Variants in RAB31 observed in about 807,000 individuals in gnomAD.
The protein encoded by RAB31 is RAB31, member RAS oncogene family.
In RAB31, 21 loss-of-function variants were observed where a neutral mutation model predicts 25.6. That is an observed-to-expected ratio of 0.82 (90% confidence interval 0.58 to 1.18). RAB31 has a LOEUF of 1.18. Ranked by LOEUF, RAB31 falls within the 50% of genes most tolerant of loss-of-function variation. The pLI is 0.00. For missense variants in RAB31, 196 were observed against 250.1 expected, an observed-to-expected ratio of 0.78 and a Z score of 1.46; for synonymous variants, 87 against 84.0, an observed-to-expected ratio of 1.04 and a Z score of -0.20.
chr18:9,711,159 G>C (rs1398964681), intron 1 of RAB31, among the ~76,000 whole-genome samples: 1 of 150,028 alleles, frequency 6.7e-6, no homozygotes, highest in Non-Finnish European at 1.5e-5. Flanking sequence ...GACTGTCTTC[G>C]GTTTACTCTC....
intron 5 of RAB31, among the ~76,000 whole-genome samples, chr18:9,827,617 G>A (rs2068656401): frequency 6.6e-6 from 1 of 151,046 alleles, no homozygotes; most frequent in Admixed American, 6.6e-5. Context: ...GAAACATTGG[G>A]AGGGATGGGT....
rs147822919 is a variant in RAB31, at chr18:9,861,950, A to G, written c.*2625A>G. Reference sequence around the variant, plus strand: ...AGCATTTTACATTGCCACATAATTGACTTGCCATTTTATGGTTAAAAACGG... The same window carrying G: ...AGCATTTTACATTGCCACATAATTGGCTTGCCATTTTATGGTTAAAAACGG... On this transcript the variant is annotated 3_prime_UTR_variant, in exon 7 of 7. Transcript: ENST00000578921. 10 of 152,752 alleles carry G rather than the reference A, an allele frequency of 6.5e-5. No individual in the cohort carries two copies. Among genetic ancestry groups the G allele is most frequent in the African/African-American group, 2.4e-4 (10 of 41,566 alleles). The allele number at this position is 152,752 out of a possible 1,614,324, so 9.5% of individuals were successfully genotyped here.
chr18:9,855,146 A>G (rs1161988375), intron 6 of RAB31, among the ~76,000 whole-genome samples: 1 of 152,208 alleles, frequency 6.6e-6, no homozygotes, highest in East Asian at 1.9e-4. Flanking sequence ...AGCCAGGATA[A>G]AACTTACAGG....
chr18:9,803,650 G>A (rs917559115), intron 3 of RAB31, among the ~76,000 whole-genome samples: 1 of 152,212 alleles, frequency 6.6e-6, no homozygotes, highest in African/African-American at 2.4e-5. Context: ...GGCCATGCCT[G>A]CTGAGCTCCT....
At chr18:9,714,992 C>T (rs928453360) in intron 1 of RAB31, among the ~76,000 whole-genome samples, 4 of 152,202 alleles carry the variant, frequency 2.6e-5, no homozygotes, top group Non-Finnish European at 4.4e-5. Flanking sequence ...TACCTGCTGT[C>T]GCACAGTGCT....
chr18:9,811,158 C>T (rs1211485882), intron 3 of RAB31, among the ~76,000 whole-genome samples: 1 of 152,174 alleles, frequency 6.6e-6, no homozygotes, highest in Admixed American at 6.5e-5. Context: ...CAGTGGGTGG[C>T]GCCGGCCCTT....
intron 1 of RAB31, among the ~76,000 whole-genome samples, chr18:9,714,137 C>T (rs529949332): frequency 6.6e-6 from 1 of 152,228 alleles, no homozygotes; most frequent in Non-Finnish European, 1.5e-5. Flanking sequence ...TAGGTCTGCT[C>T]TAAGGCCACA....
chr18:9,782,600 G>A (rs937613128), intron 2 of RAB31, among the ~76,000 whole-genome samples: 1 of 152,144 alleles, frequency 6.6e-6, no homozygotes, highest in Non-Finnish European at 1.5e-5. Context: ...GCCAGATTTT[G>A]GTTTCCACAG....
chr18:9,803,871 G>A (rs1249204213), intron 3 of RAB31, among the ~76,000 whole-genome samples: 3 of 152,224 alleles, frequency 2.0e-5, no homozygotes, highest in South Asian at 2.1e-4. Flanking sequence ...TGCCATTTGC[G>A]GGGGTTGTGT....
intron 5 of RAB31, among the ~76,000 whole-genome samples, chr18:9,842,771 G>A (rs905991333): frequency 1.3e-5 from 2 of 152,234 alleles, no homozygotes; most frequent in African/African-American, 4.8e-5. Flanking sequence ...TTGCAGCCCT[G>A]TAGGAGTGAG....
chr18:9,752,752 C>G (rs1204807211), intron 1 of RAB31, among the ~76,000 whole-genome samples: 1 of 152,204 alleles, frequency 6.6e-6, no homozygotes, highest in Non-Finnish European at 1.5e-5. Context: ...AATGAATACA[C>G]ACATATTCGA....
chr18:9,708,561 T>C lies in RAB31; in HGVS notation c.39+117T>C, dbSNP rs1217385778. On this transcript the variant is annotated intron_variant, in intron 1 of 6. Transcript: ENST00000578921. The surrounding 1 kb of genome is among the most constrained non-coding windows in gnomAD (Gnocchi z 6.4). ...CCCCTCGCTCTCCGCACCCCTCTCG[T>C]AGCCCCCGTCCCCCTCGTCCGCGCG... 8.0e-6 allele frequency: 7 copies of C among 880,124 alleles called. No homozygotes were observed. Among genetic ancestry groups the C allele is most frequent in the Non-Finnish European group, 1.1e-5 (7 of 632,130 alleles). The allele number at this position is 880,124 out of a possible 1,614,324, so 54.5% of individuals were successfully genotyped here. A position where few individuals can be genotyped will look rare whatever the true frequency, so the allele number is the denominator to read the frequency against.
Position 9,775,350 on chromosome 18 carries a change from A to G in RAB31, c.112A>G (p.Thr38Ala), listed in dbSNP as rs1269838218. 1 of 1,613,616 alleles carries G rather than the reference A, an allele frequency of 6.2e-7. No homozygotes were observed. The highest frequency in any genetic ancestry group is 8.5e-7 in the Non-Finnish European group (1 of 1,179,754). The change falls in exon 2 of 7, where the codon ACT becomes GCT. Residue 38 changes from threonine to alanine, a missense_variant. Thr to Ala is a moderately conservative substitution (Grantham distance 58). Coordinates refer to ENST00000578921, the MANE Select transcript of RAB31 (RefSeq NM_006868.4). Reference sequence around the variant, plus strand: ...TCACTTTGACCACAACATCAGCCCTACTATTGGGTAAGTTCCTGTATGTCA... The same window carrying G: ...TCACTTTGACCACAACATCAGCCCTGCTATTGGGTAAGTTCCTGTATGTCA... ...QDHFDHNISP[T>A]IGASFMTKTV...
At chr18:9,729,035 A>G (rs934608471) in intron 1 of RAB31, among the ~76,000 whole-genome samples, 1 of 152,128 alleles carries the variant, frequency 6.6e-6, no homozygotes, top group East Asian at 1.9e-4. Flanking sequence ...ATTTGTGAGT[A>G]ATCTTTGTAT....
chr18:9,816,751 T>A (rs1033593172), intron 5 of RAB31, among the ~76,000 whole-genome samples: 4 of 152,224 alleles, frequency 2.6e-5, no homozygotes, highest in Non-Finnish European at 5.9e-5. Context: ...AATAAATACA[T>A]TATTTAAAAA....
At chr18:9,730,201 C>T (rs1404957425) in intron 1 of RAB31, among the ~76,000 whole-genome samples, 1 of 151,840 alleles carries the variant, frequency 6.6e-6, no homozygotes, top group African/African-American at 2.4e-5. Context: ...TTACTAATTT[C>T]TTACGCAGCC....
chr18:9,726,568 G>A (rs1324389537), intron 1 of RAB31, among the ~76,000 whole-genome samples: 2 of 152,058 alleles, frequency 1.3e-5, no homozygotes, highest in African/African-American at 2.4e-5. Flanking sequence ...TTACATCCTC[G>A]TAACTTTAAG....
chr18:9,731,140 T>C (rs1353017491), intron 1 of RAB31, among the ~76,000 whole-genome samples: 4 of 152,216 alleles, frequency 2.6e-5, no homozygotes, highest in Non-Finnish European at 5.9e-5. Context: ...ATGGGGGTTC[T>C]CACTGTGTTG....
chr18:9,773,582 T>G (rs1392350990), intron 1 of RAB31, among the ~76,000 whole-genome samples: 1 of 152,210 alleles, frequency 6.6e-6, no homozygotes, highest in Non-Finnish European at 1.5e-5. Flanking sequence ...TTTTTTCTAC[T>G]TTCTTCTACT....
Sources: allele counts gnomAD v4.1 joint callset (sites outside exome capture counted in the v4.1 genomes callset), GRCh38; gene constraint gnomAD v4.1.1; non-coding constraint Gnocchi (gnomAD v3.1); transcripts MANE v1.5; gene names NCBI Gene and HGNC (gene_info 2026-07-23, HGNC 2026-07-21).